PLD1: variants seen among roughly 807,000 people sequenced by gnomAD.
PLD1 encodes phospholipase D1, also known as choline phosphatase 1.
In PLD1, 112 loss-of-function variants were observed where a neutral mutation model predicts 137.1. The observed-to-expected ratio is 0.82, with a 90% confidence interval of 0.70 to 0.96. The LOEUF (loss-of-function observed/expected upper bound fraction) is 0.96. Among genes scored for constraint, PLD1 ranks in the 40% least tolerant of loss-of-function variants. The pLI is 0.00. For missense variants in PLD1, 1,321 were observed against 1,342.0 expected (o/e 0.98, Z 0.24); for synonymous variants, 431 against 454.7 (o/e 0.95, Z 0.66).
At chr3:171,647,503 G>A (rs958123043) in intron 21 of PLD1, among the ~76,000 whole-genome samples, 25 of 151,846 alleles carry the variant, frequency 1.6e-4, no homozygotes, top group Admixed American at 6.6e-4. Flanking sequence ...AGGCTGGAGT[G>A]CAATGGTGCG....
At position 171,676,852 on chromosome 3, in the gene PLD1, C is replaced by A; in HGVS notation, c.1997-19G>T. The A allele has an allele frequency of 6.4e-7, 1 of 1,557,226 alleles. No homozygotes were observed. The highest frequency in any genetic ancestry group is 8.9e-7 in the Non-Finnish European group (1 of 1,128,880). On this transcript the variant is annotated intron_variant, in intron 17 of 26. Transcript: ENST00000351298. ...ATGAAATCTGCCCGGGTGCACCAGG[C>A]AAGGATCAGTCATTAACTTCAGTGT...
chr3:171,743,883 A>G (rs1719951805), intron 1 of PLD1, among the ~76,000 whole-genome samples: 1 of 152,116 alleles, frequency 6.6e-6, no homozygotes, highest in Admixed American at 6.5e-5. Context: ...CCCACTCAAT[A>G]CGTTTGTTGA....
intron 21 of PLD1, among the ~76,000 whole-genome samples, chr3:171,647,735 G>A (rs746690568): frequency 6.6e-5 from 10 of 152,046 alleles, no homozygotes; most frequent in Non-Finnish European, 1.2e-4. Context: ...GTGAGCCACC[G>A]CGCCCAGCCC....
At chr3:171,783,667 G>T (rs907950581) in intron 1 of PLD1, among the ~76,000 whole-genome samples, 1 of 152,102 alleles carries the variant, frequency 6.6e-6, no homozygotes, top group Non-Finnish European at 1.5e-5. Context: ...TATTGAGACA[G>T]GGTCTTGCTC....
intron 11 of PLD1, among the ~76,000 whole-genome samples, chr3:171,707,087 G>A (rs1311830636): frequency 6.6e-6 from 1 of 152,152 alleles, no homozygotes; most frequent in Non-Finnish European, 1.5e-5. Context: ...AATACTACAT[G>A]TTCTCACTTA....
intron 1 of PLD1, among the ~76,000 whole-genome samples, chr3:171,761,006 T>C (rs1214991509): frequency 6.6e-6 from 1 of 152,228 alleles, no homozygotes; most frequent in East Asian, 1.9e-4. Context: ...GAAAGGGACA[T>C]ACACAGAGTT....
At chr3:171,645,329 A>C (rs1736113812) in intron 21 of PLD1, among the ~76,000 whole-genome samples, 1 of 152,188 alleles carries the variant, frequency 6.6e-6, no homozygotes, top group African/African-American at 2.4e-5. Context: ...CCTTGCTTGG[A>C]TCCCATGGAA....
rs117193677 is a variant in PLD1, at chr3:171,722,715, A to G, written c.758+1981T>C. Among the ~76,000 whole-genome samples, 26 of 152,304 alleles carry G rather than the reference A, an allele frequency of 1.7e-4. No homozygotes were observed. In the East Asian group the frequency reaches 5.0e-3, roughly 29 times the overall value. The stretch of plus-strand genomic sequence containing the variant: ...ATGTAATTCACATATCATAAAACGT[A>G]CCTTTTAAAAGTTCACAATGCGATG... On this transcript the variant is annotated intron_variant, in intron 8 of 26. Transcript: ENST00000351298.
chr3:171,740,074 C>T (rs1028691604), intron 1 of PLD1, among the ~76,000 whole-genome samples: 5 of 152,116 alleles, frequency 3.3e-5, no homozygotes, highest in African/African-American at 1.2e-4. Context: ...GAGGTTGAGC[C>T]ATTTCATCTC....
rs753344572 is a variant in PLD1 at position 171,806,197 on chromosome 3, G to A, written c.-32+4202C>T. Among the ~76,000 whole-genome samples, 44 of 152,234 alleles carry A rather than the reference G, an allele frequency of 2.9e-4. 1 individual carries two copies. Among genetic ancestry groups the A allele is most frequent in the African/African-American group, 1.0e-3 (43 of 41,524 alleles). ...AATAAATAATTCATTTTATTCTGTCGTTGTAATGTTTGCTCAATAAATTTA... is the reference window on the plus strand; with the variant it reads ...AATAAATAATTCATTTTATTCTGTCATTGTAATGTTTGCTCAATAAATTTA... On this transcript the variant is annotated intron_variant, in intron 1 of 26. Transcript: ENST00000351298.
chr3:171,687,869 T>C (rs1002755225), intron 14 of PLD1, among the ~76,000 whole-genome samples: 1 of 152,220 alleles, frequency 6.6e-6, no homozygotes, highest in African/African-American at 2.4e-5. Flanking sequence ...TTACATGGGT[T>C]ACATTCAGTG....
intron 21 of PLD1, chr3:171,654,284 C>G: frequency 6.0e-6 from 1 of 167,596 alleles, no homozygotes; most frequent in Non-Finnish European, 1.1e-5. Context: ...GCTTGGGTGA[C>G]AGAGCAAGAC....
At chr3:171,647,025 C>G (rs781731616) in intron 21 of PLD1, among the ~76,000 whole-genome samples, 8 of 152,162 alleles carry the variant, frequency 5.3e-5, no homozygotes, top group African/African-American at 1.7e-4. Context: ...ATTCTTGCCT[C>G]GGCACTCATA....
chr3:171,717,728 T>G (rs1717781953), intron 8 of PLD1, among the ~76,000 whole-genome samples: 1 of 152,218 alleles, frequency 6.6e-6, no homozygotes, highest in Non-Finnish European at 1.5e-5. Flanking sequence ...TTCTTTCTCT[T>G]GCCTCATTGC....
At chr3:171,627,587 C>A (rs1271709461) in intron 23 of PLD1, among the ~76,000 whole-genome samples, 1 of 152,014 alleles carries the variant, frequency 6.6e-6, no homozygotes, top group East Asian at 1.9e-4. Flanking sequence ...ACACCTATTC[C>A]AAAATTGACC....
At chr3:171,627,453 G>T (rs1734224663) in intron 23 of PLD1, among the ~76,000 whole-genome samples, 1 of 152,150 alleles carries the variant, frequency 6.6e-6, no homozygotes, top group Non-Finnish European at 1.5e-5. Flanking sequence ...AGATCAACGA[G>T]ATAGAAAGTT....
chr3:171,692,054 C>T (rs1035534901), intron 13 of PLD1, among the ~76,000 whole-genome samples: 6 of 152,016 alleles, frequency 3.9e-5, no homozygotes, highest in South Asian at 2.1e-4. Context: ...TGATAGAGCT[C>T]GTGAATATCA....
intron 26 of PLD1, among the ~76,000 whole-genome samples, chr3:171,604,962 G>A (rs1034671796): frequency 1.3e-5 from 2 of 152,226 alleles, no homozygotes; most frequent in African/African-American, 4.8e-5. Flanking sequence ...GGACTCAGCT[G>A]TGGCTTGTTT....
chr3:171,744,545 C>T (rs1196609056), intron 1 of PLD1, among the ~76,000 whole-genome samples: 2 of 152,184 alleles, frequency 1.3e-5, no homozygotes, highest in African/African-American at 4.8e-5. Flanking sequence ...ATATCACACC[C>T]TCCACGTGGC....
Sources: allele counts gnomAD v4.1 joint callset (sites outside exome capture counted in the v4.1 genomes callset), GRCh38; gene constraint gnomAD v4.1.1; transcripts MANE v1.5; gene names NCBI Gene and HGNC (gene_info 2026-07-23, HGNC 2026-07-21).